Variants in CCR5AS observed in about 807,000 individuals in gnomAD.
CCR5AS encodes the protein CCR5 antisense RNA.
At chr3:46,390,028 G>T (rs985826702) in intron 2 of CCR5AS, among the ~76,000 whole-genome samples, 1 of 152,204 alleles carries the variant, frequency 6.6e-6, no homozygotes, top group African/African-American at 2.4e-5. Context: ...AAGAGGGGCT[G>T]CAAAGAAGAA....
At chr3:46,373,894 C>A (rs1244960675) in intron 2 of CCR5AS, 1 of 1,610,612 alleles carries the variant, frequency 6.2e-7, no homozygotes, top group Non-Finnish European at 8.5e-7. Context: ...CAGCAAGAGG[C>A]TCCCGAGCGA....
chr3:46,389,456 C>T (rs1418482016), intron 2 of CCR5AS, among the ~76,000 whole-genome samples: 1 of 152,134 alleles, frequency 6.6e-6, no homozygotes. Flanking sequence ...CTTCACATGG[C>T]TGGGAGTTTG....
chr3:46,396,244 A>G (rs552803440), intron 1 of CCR5AS, among the ~76,000 whole-genome samples: 6 of 151,804 alleles, frequency 4.0e-5, no homozygotes, highest in Non-Finnish European at 8.8e-5. Flanking sequence ...TGTCTGCCCA[A>G]CTCGACTGAC....
chr3:46,383,027 T>C (rs1701829097), intron 2 of CCR5AS, among the ~76,000 whole-genome samples: 1 of 152,226 alleles, frequency 6.6e-6, no homozygotes, highest in African/African-American at 2.4e-5. Context: ...AATAATTTGC[T>C]AATAATGGCT....
At chr3:46,374,690 C>T (rs1018181334) in intron 2 of CCR5AS, 2 of 167,262 alleles carry the variant, frequency 1.2e-5, no homozygotes, top group African/African-American at 4.8e-5. Context: ...AAGGACAAGG[C>T]TAGATCATGA....
At chr3:46,406,861 T>C (rs1702053710) in intron 1 of CCR5AS, 1 of 152,182 alleles carries the variant, frequency 6.6e-6, no homozygotes, top group South Asian at 2.1e-4. Flanking sequence ...AAGCACACAG[T>C]GCCCCTCAAA....
Position 46,401,420 on chromosome 3 carries a change from G to A in CCR5AS, n.163+5477C>T, listed in dbSNP as rs562587754. 3.3e-5 allele frequency among the ~76,000 whole-genome samples: 5 copies of A among 152,324 alleles called. 1 individual carries two copies. In the South Asian group the frequency reaches 1.0e-3, roughly 32 times the overall value. ...GAAGTATAATAGAGGAAATGTCTGT[G>A]ACATTTGCAGGACTGCAAAGGGAGC... On this transcript the variant is annotated intron_variant and non_coding_transcript_variant, in intron 1 of 3. Coordinates refer to ENST00000451485, the Ensembl canonical transcript of CCR5AS.
chr3:46,396,951 A>G (rs1701965922), intron 1 of CCR5AS, among the ~76,000 whole-genome samples: 3 of 152,230 alleles, frequency 2.0e-5, no homozygotes, highest in Admixed American at 2.0e-4. Flanking sequence ...ACAGGTGCTA[A>G]TAAATAATAA....
intron 2 of CCR5AS, among the ~76,000 whole-genome samples, chr3:46,386,010 C>G (rs1394636169): frequency 6.6e-6 from 1 of 152,086 alleles, no homozygotes; most frequent in Non-Finnish European, 1.5e-5. Flanking sequence ...CTCCCAGGCT[C>G]AAGCAATCCT....
intron 1 of CCR5AS, among the ~76,000 whole-genome samples, chr3:46,395,793 G>A (rs1701956863): frequency 6.6e-6 from 1 of 151,502 alleles, no homozygotes; most frequent in Non-Finnish European, 1.5e-5. Context: ...GCTCTCCTGA[G>A]AGGACAGGAC....
intron 3 of CCR5AS, among the ~76,000 whole-genome samples, chr3:46,369,863 G>A (rs1202938056): frequency 1.3e-5 from 2 of 152,182 alleles, no homozygotes; most frequent in Non-Finnish European, 2.9e-5. Context: ...GTCTGCCTCT[G>A]TAGGATTGGG....
intron 2 of CCR5AS, among the ~76,000 whole-genome samples, chr3:46,380,704 C>T (rs1189066360): frequency 6.6e-6 from 1 of 152,236 alleles, no homozygotes; most frequent in South Asian, 2.1e-4. Context: ...ACGATCAGCA[C>T]CTGTGTGCTA....
chr3:46,400,333 A>G (rs1701996217), intron 1 of CCR5AS, among the ~76,000 whole-genome samples: 1 of 152,188 alleles, frequency 6.6e-6, no homozygotes, highest in Admixed American at 6.5e-5. Flanking sequence ...CAAAGAAAAA[A>G]TGTAGAGGAT....
intron 2 of CCR5AS, among the ~76,000 whole-genome samples, chr3:46,390,525 C>T (rs941683826): frequency 3.9e-5 from 6 of 152,022 alleles, no homozygotes; most frequent in African/African-American, 1.4e-4. Context: ...TGGCATTGAG[C>T]GGGGTAAGGG....
chr3:46,396,930 A>G (rs1448618997), intron 1 of CCR5AS, among the ~76,000 whole-genome samples: 1 of 152,180 alleles, frequency 6.6e-6, no homozygotes, highest in African/African-American at 2.4e-5. Context: ...CTCTTTCACT[A>G]AGACTCAGTC....
intron 2 of CCR5AS, chr3:46,374,008 C>A: frequency 1.4e-6 from 2 of 1,409,532 alleles, no homozygotes; most frequent in Non-Finnish European, 1.9e-6. Context: ...GTGCACATGG[C>A]TTAGTTTTCA....
At chr3:46,393,199 C>T (rs149120825) in intron 1 of CCR5AS, 1,786 of 151,924 alleles carry the variant, frequency 0.012, 47 homozygotes, top group African/African-American at 0.04. Flanking sequence ...TCCTGAGACT[C>T]ACTGTCCAGA....
intron 3 of CCR5AS, among the ~76,000 whole-genome samples, chr3:46,365,656 A>C (rs1045413700): frequency 6.6e-6 from 1 of 152,176 alleles, no homozygotes; most frequent in African/African-American, 2.4e-5. Context: ...TGGCAGGCAC[A>C]CTGTGTGGTC....
intron 2 of CCR5AS, among the ~76,000 whole-genome samples, chr3:46,379,896 C>CT (rs1701801747): frequency 8.5e-6 from 1 of 118,064 alleles, no homozygotes; most frequent in African/African-American, 3.4e-5. Context: ...GACTCTGTCT[C>CT]AAAATAAATA....
Sources: allele counts gnomAD v4.1 joint callset (sites outside exome capture counted in the v4.1 genomes callset), GRCh38; gene constraint gnomAD v4.1.1; transcripts MANE v1.5; gene names NCBI Gene and HGNC (gene_info 2026-07-23, HGNC 2026-07-21).